The following DNAH7 variants were observed in gnomAD, a reference collection of about 807,000 sequenced individuals.
DNAH7 encodes axonemal beta dynein heavy chain 7.
DNAH7 carries 397 observed loss-of-function variants against 444.6 expected under a neutral mutation model. That is an observed-to-expected ratio of 0.89 (90% CI 0.82 to 0.97). The LOEUF (loss-of-function observed/expected upper bound fraction) is 0.97, where lower values mean the gene tolerates loss of function less well. DNAH7 is among the 50% of genes least tolerant of loss of function. The pLI is 0.00. For synonymous variants in DNAH7, 1,636 were observed against 1,624.4 expected, an observed-to-expected ratio of 1.01 and a Z score of -0.17; for missense variants, 4,902 against 4,800.8, an observed-to-expected ratio of 1.02 and a Z score of -0.62.
chr2:195,810,591 C>T (rs1472746459), intron 51 of DNAH7, among the ~76,000 whole-genome samples: 1 of 151,612 alleles, frequency 6.6e-6, no homozygotes, highest in Non-Finnish European at 1.5e-5. Flanking sequence ...TTGGCAATGT[C>T]CTAACTGATA....
intron 47 of DNAH7, among the ~76,000 whole-genome samples, chr2:195,842,114 T>G (rs1372861131): frequency 6.6e-6 from 1 of 152,100 alleles, no homozygotes; most frequent in Admixed American, 6.6e-5. Flanking sequence ...AAAATTTACT[T>G]TTTTAAAAAG....
intron 5 of DNAH7, among the ~76,000 whole-genome samples, chr2:196,037,708 T>C (rs923376317): frequency 4.0e-5 from 6 of 151,762 alleles, no homozygotes; most frequent in African/African-American, 9.7e-5. Flanking sequence ...TAAAAATGAA[T>C]CAAAAAGAAG....
chr2:196,060,421 A>C (rs999244010), intron 1 of DNAH7, among the ~76,000 whole-genome samples: 1 of 151,850 alleles, frequency 6.6e-6, no homozygotes, highest in African/African-American at 2.4e-5. Context: ...CAGTCTAAAG[A>C]TTTTCTGCTT....
At chr2:195,921,728 C>T (rs532009876) in intron 24 of DNAH7, among the ~76,000 whole-genome samples, 1 of 152,206 alleles carries the variant, frequency 6.6e-6, no homozygotes, top group African/African-American at 2.4e-5. Context: ...ACCTGTTCCC[C>T]ATAAACCTAT....
rs769900524 is a variant in DNAH7 at position 195,923,690 on chromosome 2, C to T, written c.3730G>A (p.Val1244Ile). 6.2e-7 allele frequency: 1 copy of T among 1,614,112 alleles called. No individual in the cohort carries two copies. The highest frequency in any genetic ancestry group is 8.5e-7 in the Non-Finnish European group (1 of 1,180,010). Residue 1244 changes from valine (V) to isoleucine (I), a missense_variant, in exon 23 of 65, where the codon GTC becomes ATC. Coordinates refer to ENST00000312428, the MANE Select transcript of DNAH7 (RefSeq NM_018897.3). ...GATGAGAGGACATCTCTAGCATGGA[C>T]ATCCAGTACCACAAGTGCTCCCAGA... ...VTLGALVVLD[V>I]HARDVLSSLV...
intron 61 of DNAH7, among the ~76,000 whole-genome samples, chr2:195,771,050 G>C (rs1398731874): frequency 1.3e-5 from 2 of 151,910 alleles, no homozygotes; most frequent in Non-Finnish European, 2.9e-5. Context: ...GCCAGGAGTT[G>C]GTGGCTCACA....
chr2:195,844,071 G>T (rs2125004025), intron 47 of DNAH7, among the ~76,000 whole-genome samples: 1 of 151,634 alleles, frequency 6.6e-6, no homozygotes, highest in Admixed American at 6.6e-5. Flanking sequence ...ACTCCAGCCT[G>T]GGCAACGGAG....
At chr2:195,875,624 A>G (rs1359492240) in intron 38 of DNAH7, 51 bp downstream of exon 38, 2 of 1,500,432 alleles carry the variant, frequency 1.3e-6, no homozygotes, top group Admixed American at 2.2e-5. Flanking sequence ...TTCTTTAGCT[A>G]TTGCTAGGGA....
chr2:195,769,629 TC>T (rs1399130966), intron 61 of DNAH7, among the ~76,000 whole-genome samples: 1 of 151,978 alleles, frequency 6.6e-6, no homozygotes, highest in African/African-American at 2.4e-5. Flanking sequence ...GGACCCACTA[TC>T]TCCTCTCACG....
rs748552478 is a variant in DNAH7, at chr2:195,864,545, C to A, written c.7110G>T (p.Gly2370=). ...YSVFQVEISK[G]YDTTEWHEDL... is the part of the protein sequence containing the mutation. ...CTTCATGCCATTCAGTAGTATCATA[C>A]CCCTTAGAGATTTCAACTTGGAAAA... The change falls in exon 41 of 65, where the codon GGG becomes GGT. Residue 2370 remains glycine (G), a synonymous_variant. Transcript: ENST00000312428. 1.2e-6 allele frequency: 2 copies of A among 1,614,144 alleles called. No individual in the cohort carries two copies. Among genetic ancestry groups the A allele is most frequent in the Non-Finnish European group, 8.5e-7 (1 of 1,180,030 alleles).
chr2:195,938,344 T>TCACACA (rs68056425), intron 19 of DNAH7, among the ~76,000 whole-genome samples: 5,329 of 134,126 alleles, frequency 0.04, 92 homozygotes, highest in African/African-American at 0.046. Flanking sequence ...AAATAGACAT[T>TCACACA]CACACACACA....
chr2:195,791,088 A>G (rs1695855611), intron 57 of DNAH7, among the ~76,000 whole-genome samples: 1 of 152,198 alleles, frequency 6.6e-6, no homozygotes, highest in Non-Finnish European at 1.5e-5. Flanking sequence ...CATAACAAAA[A>G]AAGTGCTCCA....
chr2:195,948,723 C>T (rs534672580), intron 19 of DNAH7, among the ~76,000 whole-genome samples: 99 of 152,172 alleles, frequency 6.5e-4, no homozygotes, highest in African/African-American at 2.1e-3. Context: ...AGTCAGGTAG[C>T]GTGATGCCTC....
chr2:195,980,902 G>A lies in DNAH7; in HGVS notation c.1833+3730C>T, dbSNP rs140951038. Among the ~76,000 whole-genome samples the A allele has an allele frequency of 1.5e-3, 228 of 151,966 alleles. 7 individuals are homozygous for A. In the East Asian group the frequency reaches 0.042, roughly 28 times the overall value. On this transcript the variant is annotated intron_variant, in intron 15 of 64. Coordinates refer to ENST00000312428, the MANE Select transcript of DNAH7 (RefSeq NM_018897.3). ...CACAGCTAGTATCATACTGAATGGG[G>A]AAAAACTGAAAGCCTTTCCTCTAAA...
chr2:195,785,834 T>C (rs1397299512), intron 58 of DNAH7, among the ~76,000 whole-genome samples: 2 of 152,164 alleles, frequency 1.3e-5, no homozygotes, highest in Admixed American at 6.5e-5. Context: ...TGGAAGAGCT[T>C]CTCATCCTTT....
At chr2:195,981,205 C>G (rs1372370790) in intron 15 of DNAH7, among the ~76,000 whole-genome samples, 1 of 151,784 alleles carries the variant, frequency 6.6e-6, no homozygotes, top group African/African-American at 2.4e-5. Context: ...AAAGGTGGGA[C>G]AATCTGAAAA....
chr2:195,966,862 G>A (rs1357546056), intron 17 of DNAH7, among the ~76,000 whole-genome samples: 1 of 151,986 alleles, frequency 6.6e-6, no homozygotes, highest in African/African-American at 2.4e-5. Context: ...TTTCTTGAAG[G>A]CAACAGACCA....
At chr2:195,784,107 C>G (rs1385314113) in intron 58 of DNAH7, among the ~76,000 whole-genome samples, 1 of 152,072 alleles carries the variant, frequency 6.6e-6, no homozygotes, top group African/African-American at 2.4e-5. Flanking sequence ...CATGAGGACT[C>G]GAAGTCCACA....
chr2:195,923,170 G>A (rs1688127847), intron 23 of DNAH7, among the ~76,000 whole-genome samples: 2 of 152,010 alleles, frequency 1.3e-5, no homozygotes, highest in African/African-American at 2.4e-5. Context: ...AGCAATGAGA[G>A]GAAACTTTAA....
Sources: gnomAD v4.1 joint callset for allele counts (sites outside exome capture counted in the v4.1 genomes callset) on GRCh38, gnomAD v4.1.1 for gene constraint, MANE v1.5 for transcripts, NCBI Gene and HGNC (gene_info 2026-07-23, HGNC 2026-07-21) for gene names.